Variants in CELSR1 observed in about 807,000 individuals in gnomAD.
CELSR1 encodes adhesion G protein-coupled receptor C1.
CELSR1 carries 110 observed loss-of-function variants against 249.1 expected under a neutral mutation model. The observed-to-expected ratio is 0.44, with a 90% confidence interval of 0.38 to 0.52. The LOEUF is 0.52. Ranked by LOEUF, CELSR1 falls within the 20% of genes least tolerant of loss-of-function variation. CELSR1 has a pLI of 0.00. For missense variants in CELSR1, 4,109 were observed against 4,296.4 expected (o/e 0.96, Z 1.22); for synonymous variants, 2,113 against 1,900.0 (o/e 1.11, Z -2.92).
At chr22:46,385,712 C>G (rs1408293698) in intron 19 of CELSR1, among the ~76,000 whole-genome samples, 1 of 146,378 alleles carries the variant, frequency 6.8e-6, no homozygotes, top group African/African-American at 2.6e-5. Flanking sequence ...GAGTCTGGCT[C>G]TCTCGCCCAG....
At position 46,500,850 on chromosome 22, in the gene CELSR1, T is replaced by C. The variant is rs1236910208; in HGVS notation, c.3544+32777A>G. Among the ~76,000 whole-genome samples the C allele has an allele frequency of 6.6e-6, 1 of 152,094 alleles. No individual in the cohort carries two copies. Among genetic ancestry groups the C allele is most frequent in the Non-Finnish European group, 1.5e-5 (1 of 68,016 alleles). On this transcript the variant is annotated intron_variant, in intron 1 of 34. Transcript: ENST00000674500. This position sits in a 1 kb window ranked among gnomAD's most constrained non-coding sequence, Gnocchi z 4.9. ...TCTCAGGCTCAGAACATCCCCCATC[T>C]GCGGGCAGAGCTGTCCTTGTAAGCA... is the stretch of plus-strand genomic sequence containing the variant.
chr22:46,381,998 G>T lies in CELSR1; in HGVS notation c.6936C>A (p.Arg2312=). 3.8e-6 allele frequency: 6 copies of T among 1,564,308 alleles called. No individual in the cohort carries two copies. The South Asian group carries it at 5.9e-5, about 15-fold the overall frequency. Residue 2312 remains arginine, a synonymous_variant, in exon 21 of 35, where the codon CGC becomes CGA. Coordinates refer to ENST00000674500, the MANE Select transcript of CELSR1 (RefSeq NM_001378328.1). This position sits in a 1 kb window ranked among gnomAD's most constrained non-coding sequence, Gnocchi z 6.0. The part of the protein sequence containing the change: ...AGRRTTPQTT[R]PGPGTEREAP... ...CCTCCCTCTCGGTGCCAGGCCCCGG[G>T]CGCGTGGTCTGCGGGGTGGTCCTCC...
Position 46,391,560 on chromosome 22 carries a change from C to T in CELSR1, c.6148+73G>A. ...GTCCCCCAAACACCCAGCGTGCATGCACACACGTGCACGCCAGTGCAGCAG... is the reference window on the plus strand; with the variant it reads ...GTCCCCCAAACACCCAGCGTGCATGTACACACGTGCACGCCAGTGCAGCAG... On this transcript the variant is annotated intron_variant, in intron 15 of 34. Coordinates refer to ENST00000674500, the MANE Select transcript of CELSR1 (RefSeq NM_001378328.1). The surrounding 1 kb of genome is among the most constrained non-coding windows in gnomAD (Gnocchi z 4.3). The T allele has an allele frequency of 1.4e-6, 2 of 1,453,420 alleles. No individual in the cohort carries two copies. Among genetic ancestry groups the T allele is most frequent in the African/African-American group, 1.4e-5 (1 of 71,084 alleles). 90.0% of individuals were successfully genotyped at this position (1,453,420 alleles called of 1,614,324 possible).
At chr22:46,387,435 C>T (rs988461991) in intron 18 of CELSR1, among the ~76,000 whole-genome samples, 33 of 152,268 alleles carry the variant, frequency 2.2e-4, no homozygotes, top group African/African-American at 7.9e-4. Flanking sequence ...GCCTGGAGTG[C>T]AGTGGCACAG....
chr22:46,369,635 C>T (rs2078828387), intron 26 of CELSR1, 57 bp downstream of exon 26: 7 of 1,522,000 alleles, frequency 4.6e-6, no homozygotes, highest in Middle Eastern at 3.4e-4. Flanking sequence ...CCAGAACAGC[C>T]CTTCCAGCTC....
At chr22:46,510,370 C>A (rs1442279917) in intron 1 of CELSR1, among the ~76,000 whole-genome samples, 2 of 152,208 alleles carry the variant, frequency 1.3e-5, no homozygotes, top group Non-Finnish European at 2.9e-5. Flanking sequence ...CTGGAACGCA[C>A]CCCCTTCCCG....
intron 27 of CELSR1, 119 bp from the exon 28 acceptor site, chr22:46,367,974 A>G (rs1251024678): frequency 3.7e-6 from 5 of 1,350,454 alleles, no homozygotes; most frequent in Non-Finnish European, 5.0e-6. Flanking sequence ...CTGTCCGTCC[A>G]CCTGTCCACC....
At chr22:46,523,027 C>T (rs572988261) in intron 1 of CELSR1, among the ~76,000 whole-genome samples, 1 of 152,310 alleles carries the variant, frequency 6.6e-6, no homozygotes, top group South Asian at 2.1e-4. Flanking sequence ...TGATGAAAAC[C>T]GCCCTGCAAC....
intron 1 of CELSR1, among the ~76,000 whole-genome samples, chr22:46,531,445 A>T (rs1218037929): frequency 6.6e-6 from 1 of 152,138 alleles, no homozygotes; most frequent in Non-Finnish European, 1.5e-5. Flanking sequence ...ACCTCAGGTG[A>T]TCCACCTGCC....
In CELSR1 at chr22:46,536,268, G is replaced by T; in HGVS notation, c.903C>A (p.Ala301=). The change falls in exon 1 of 35, where the codon GCC becomes GCA. Residue 301 remains alanine (A), a synonymous_variant. Transcript: ENST00000674500. The part of the protein sequence containing the change: ...RSRGYFRIDS[A]TGAVSTDSVL... ...CGCTGTCCGTGCTCACGGCGCCCGT[G>T]GCAGAGTCGATTCGGAAGTAGCCCC... 1 of 1,612,448 alleles carries T rather than the reference G, an allele frequency of 6.2e-7. No individual in the cohort carries two copies.
rs145773275 is a variant in CELSR1, at chr22:46,380,282, A to G, written c.7256+506T>C. 9.2e-5 allele frequency among the ~76,000 whole-genome samples: 14 copies of G among 152,282 alleles called. No individual in the cohort carries two copies. The East Asian group carries it at 1.9e-3, about 21-fold the overall frequency. ...TGACGCTGCTTCTGAAACGGGCCAG[A>G]TAAACTGTGCTGCGGCCAGGTGTGG... On this transcript the variant is annotated intron_variant, in intron 22 of 34. Transcript: ENST00000674500. The surrounding 1 kb of genome is among the most constrained non-coding windows in gnomAD (Gnocchi z 5.1).
At chr22:46,514,712 G>A (rs1305913487) in intron 1 of CELSR1, among the ~76,000 whole-genome samples, 4 of 152,164 alleles carry the variant, frequency 2.6e-5, no homozygotes, top group Non-Finnish European at 4.4e-5. Flanking sequence ...CAGGGCCGAG[G>A]CTCACGGCTG....
chr22:46,365,531 G>C lies in CELSR1; in HGVS notation c.8404+55C>G, dbSNP rs557162851. 2.0e-5 allele frequency: 31 copies of C among 1,543,934 alleles called. No homozygotes were observed. In the African/African-American group the frequency reaches 2.2e-4, roughly 11 times the overall value. On this transcript the variant is annotated intron_variant, in intron 31 of 34. Transcript: ENST00000674500. Reference sequence around the variant, plus strand: ...TTCAGGGGCAGTCTGTCCAGTGACCGAAGGGACGTGGGAAAAACAACCCAC... The same window carrying C: ...TTCAGGGGCAGTCTGTCCAGTGACCCAAGGGACGTGGGAAAAACAACCCAC...
chr22:46,454,250 C>A lies in CELSR1; in HGVS notation c.4183+9457G>T, dbSNP rs2079919981. 6.6e-6 allele frequency among the ~76,000 whole-genome samples: 1 copy of A among 152,210 alleles called. No homozygotes were observed. Among genetic ancestry groups the A allele is most frequent in the Non-Finnish European group, 1.5e-5 (1 of 68,046 alleles). On this transcript the variant is annotated intron_variant, in intron 2 of 34. Transcript: ENST00000674500. This position sits in a 1 kb window ranked among gnomAD's most constrained non-coding sequence, Gnocchi z 5.1. ...CTCCCGGAGCAGCCCCGCCCACGCC[C>A]CTGAATGCAGGGCTCCTGCCCTCCA... is the stretch of plus-strand genomic sequence containing the variant.
rs145153873 is a variant in CELSR1 at position 46,535,262 on chromosome 22, C to T, written c.1909G>A (p.Gly637Ser). Residue 637 changes from glycine (G) to serine (S), a missense_variant, in exon 1 of 35, where the codon GGT becomes AGT. Transcript: ENST00000674500. Reference sequence around the variant, plus strand: ...AGCTCGGCACACACTGTGATCCAACCGGAGCTGTTGTGGATCTGGAAGGGG... The same window carrying T: ...AGCTCGGCACACACTGTGATCCAACTGGAGCTGTTGTGGATCTGGAAGGGG... ...DFPFQIHNSS[G>S]WITVCAELDR... 4 of 1,610,326 alleles carry T rather than the reference C, an allele frequency of 2.5e-6. No individual in the cohort carries two copies. The highest frequency in any genetic ancestry group is 1.3e-5 in the African/African-American group (1 of 75,046).
intron 2 of CELSR1, among the ~76,000 whole-genome samples, chr22:46,456,003 C>A (rs1480039501): frequency 6.6e-6 from 1 of 152,198 alleles, no homozygotes; most frequent in African/African-American, 2.4e-5. Context: ...GAGAGAAAAA[C>A]TTGAAGTAAT....
chr22:46,467,014 G>C (rs909307548), intron 1 of CELSR1, among the ~76,000 whole-genome samples: 1 of 152,178 alleles, frequency 6.6e-6, no homozygotes, highest in African/African-American at 2.4e-5. Context: ...CCTGATCTTG[G>C]ACTTGCAGCC....
intron 5 of CELSR1, among the ~76,000 whole-genome samples, chr22:46,418,476 T>C (rs1393900212): frequency 6.6e-6 from 1 of 151,296 alleles, no homozygotes; most frequent in Non-Finnish European, 1.5e-5. Flanking sequence ...CAGAGCAAGA[T>C]TCCGCCTCAG....
intron 2 of CELSR1, among the ~76,000 whole-genome samples, chr22:46,453,766 G>A (rs527296990): frequency 2.6e-5 from 4 of 152,306 alleles, no homozygotes; most frequent in East Asian, 1.9e-4. Flanking sequence ...GGTCCAGATC[G>A]TGGCCGGTTA....
Sources: gnomAD v4.1 joint callset for allele counts (sites outside exome capture counted in the v4.1 genomes callset) on GRCh38, gnomAD v4.1.1 for gene constraint, Gnocchi (gnomAD v3.1) non-coding constraint, MANE v1.5 for transcripts, NCBI Gene and HGNC (gene_info 2026-07-23, HGNC 2026-07-21) for gene names.